Variants in FAM193B observed in about 807,000 individuals in gnomAD.
FAM193B encodes the protein family with sequence similarity 193 member B.
A neutral mutation model predicts 70.7 loss-of-function variants in FAM193B; 27 were observed. That is an observed-to-expected ratio of 0.38 (90% confidence interval 0.28 to 0.53). The LOEUF is 0.53. FAM193B is among the 20% of genes least tolerant of loss of function. FAM193B has a pLI of 0.81. For synonymous variants in FAM193B, 448 were observed against 436.0 expected, an observed-to-expected ratio of 1.03 and a Z score of -0.34; for missense variants, 1,022 against 1,072.5, an observed-to-expected ratio of 0.95 and a Z score of 0.66.
chr5:177,524,111 A>G (rs974437584), intron 6 of FAM193B, 74 bp downstream of exon 6: 1 of 1,610,284 alleles, frequency 6.2e-7, no homozygotes, highest in African/African-American at 1.3e-5. Context: ...CGCTGTCTAC[A>G]CACAAAGGCT....
At chr5:177,550,470 T>A (rs1254433297) in intron 1 of FAM193B, among the ~76,000 whole-genome samples, 1 of 152,246 alleles carries the variant, frequency 6.6e-6, no homozygotes, top group East Asian at 1.9e-4. Context: ...TACTGACTAA[T>A]CATCTGCTCC....
Position 177,554,399 on chromosome 5 carries a change from G to A in FAM193B, c.60C>T (p.Ala20=). ...GCGCCTGGGGCTTCTGCGGCCCCGC[G>A]GCCCGAGCCCGCTCGCGCCTGCCCG... is the stretch of plus-strand genomic sequence containing the variant. The part of the protein sequence containing the change: ...GGAGRRERAR[A]AGPQKPQAPE... The change falls in exon 1 of 9, where the codon GCC becomes GCT. Residue 20 remains alanine, a synonymous_variant. Transcript: ENST00000514747. 1.9e-5 allele frequency: 22 copies of A among 1,157,440 alleles called. No individual in the cohort carries two copies. Among genetic ancestry groups the A allele is most frequent in the Non-Finnish European group, 2.3e-5 (22 of 941,072 alleles). 71.7% of individuals were successfully genotyped at this position (1,157,440 alleles called of 1,614,324 possible). A position where few individuals can be genotyped will look rare whatever the true frequency, so the allele number is the denominator to read the frequency against.
intron 1 of FAM193B, among the ~76,000 whole-genome samples, chr5:177,542,823 C>T (rs555801503): frequency 5.2e-4 from 79 of 152,346 alleles, no homozygotes; most frequent in African/African-American, 1.8e-3. Context: ...TTTCCTGTAT[C>T]TTCCATCCCT....
Position 177,537,951 on chromosome 5 carries a change from G to A in FAM193B, c.610C>T (p.Leu204Phe). Residue 204 changes from leucine to phenylalanine, a missense_variant, in exon 3 of 9, where the codon CTC (leucine) becomes TTC (phenylalanine). Coordinates refer to ENST00000514747, the MANE Select transcript of FAM193B (RefSeq NM_001190946.3). The part of the protein sequence containing the change: ...DPSSFLSAHK[L>F]SGLWNSPHSS... Reference sequence around the variant, plus strand: ...TGTGGGGAATTCCAGAGGCCCGAGAGCTTATGTGCCGACAGGAACGAGCTA... The same window carrying A: ...TGTGGGGAATTCCAGAGGCCCGAGAACTTATGTGCCGACAGGAACGAGCTA... 1 of 1,576,560 alleles carries A rather than the reference G, an allele frequency of 6.3e-7. No individual in the cohort carries two copies. Among genetic ancestry groups the A allele is most frequent in the Non-Finnish European group, 8.6e-7 (1 of 1,161,062 alleles).
intron 1 of FAM193B, chr5:177,553,116 G>A (rs1766517316): frequency 2.1e-6 from 2 of 947,714 alleles, no homozygotes; most frequent in Non-Finnish European, 2.5e-6. Context: ...CGCAACTGGG[G>A]AGGTCAGGGG....
intron 1 of FAM193B, chr5:177,553,559 T>G (rs1347880570): frequency 8.8e-7 from 1 of 1,136,410 alleles, no homozygotes; most frequent in African/African-American, 1.7e-5. Context: ...CTGGAAGCTT[T>G]GGGGAATCCT....
chr5:177,522,445 ATGG>A (rs1404611098), intron 7 of FAM193B, among the ~76,000 whole-genome samples: 1 of 152,176 alleles, frequency 6.6e-6, no homozygotes, highest in Admixed American at 6.5e-5. Flanking sequence ...TTATATAAAA[ATGG>A]TGTAGTATTT....
chr5:177,537,890 C>G lies in FAM193B; in HGVS notation c.671G>C (p.Ser224Thr), dbSNP rs1289502540. 1 of 1,608,248 alleles carries G rather than the reference C, an allele frequency of 6.2e-7. No homozygotes were observed. Among genetic ancestry groups the G allele is most frequent in the South Asian group, 1.1e-5 (1 of 89,568 alleles). ...SGAMPGSSLG[S>T]PPTIPGEAFP... is the part of the protein sequence containing the mutation. Reference sequence around the variant, plus strand: ...AGACTCACCGGGGATGGTAGGAGGACTCCCAAGAGAGCTGCCTGGCATGGC... The same window carrying G: ...AGACTCACCGGGGATGGTAGGAGGAGTCCCAAGAGAGCTGCCTGGCATGGC... Residue 224 changes from serine (S) to threonine (T), a missense_variant, in exon 3 of 9, where the codon AGT (serine) becomes ACT (threonine). Coordinates refer to ENST00000514747, the MANE Select transcript of FAM193B (RefSeq NM_001190946.3).
In FAM193B at chr5:177,524,231, G is replaced by A. The variant is rs1208747847; in HGVS notation, c.2250C>T (p.Arg750=). The A allele has an allele frequency of 1.9e-6, 3 of 1,548,176 alleles. No individual in the cohort carries two copies. In the Admixed American group the frequency reaches 5.8e-5, roughly 30 times the overall value. Reference sequence around the variant, plus strand: ...CCTGCTTGTTGCGGCTCCGGCGGCTGCGGCCCTTGCCCTGGGGCAAGCTCT... The same window carrying A: ...CCTGCTTGTTGCGGCTCCGGCGGCTACGGCCCTTGCCCTGGGGCAAGCTCT... The part of the protein sequence containing the change: ...RPQSLPQGKG[R]SRRSRNKQEK... The change falls in exon 6 of 9, where the codon CGC becomes CGT. Residue 750 remains arginine (R), a synonymous_variant. Transcript: ENST00000514747.
intron 1 of FAM193B, chr5:177,553,673 T>A (rs1420889063): frequency 7.8e-7 from 1 of 1,286,296 alleles, no homozygotes; most frequent in East Asian, 5.6e-5. Flanking sequence ...TCTGCTGGGT[T>A]TCCACCTCAG....
chr5:177,522,083 G>C lies in FAM193B; in HGVS notation c.2373-12C>G. 2 of 1,610,208 alleles carry C rather than the reference G, an allele frequency of 1.2e-6. No individual in the cohort carries two copies. The highest frequency in any genetic ancestry group is 1.1e-5 in the South Asian group (1 of 90,934). On this transcript the variant is annotated splice_polypyrimidine_tract_variant and intron_variant, in intron 7 of 8. Coordinates refer to ENST00000514747, the MANE Select transcript of FAM193B (RefSeq NM_001190946.3). ...AATCCAAACAGAACCTGTTGGGTTTGGGGGACACATGAGAAGCACAATCAG... is the reference window on the plus strand; with the variant it reads ...AATCCAAACAGAACCTGTTGGGTTTCGGGGACACATGAGAAGCACAATCAG...
Position 177,538,203 on chromosome 5 carries a change from TC to T in FAM193B, c.454-97del. 7.8e-7 allele frequency: 1 copy of T among 1,281,882 alleles called. No individual in the cohort carries two copies. The highest frequency in any genetic ancestry group is 1.1e-6 in the Non-Finnish European group (1 of 945,906). 79.4% of individuals were successfully genotyped at this position (1,281,882 alleles called of 1,614,324 possible). On this transcript the variant is annotated intron_variant, in intron 2 of 8. Coordinates refer to ENST00000514747, the MANE Select transcript of FAM193B (RefSeq NM_001190946.3). The surrounding 1 kb of genome is among the most constrained non-coding windows in gnomAD (Gnocchi z 4.1). ...CTTTTCCTGAGGGAGCTCCTTCTCCTCCAGACCATGTGCCATAGCAAAAACA... is the reference window on the plus strand; with the variant it reads ...CTTTTCCTGAGGGAGCTCCTTCTCCTCAGACCATGTGCCATAGCAAAAACA...
intron 5 of FAM193B, among the ~76,000 whole-genome samples, chr5:177,528,248 A>C (rs1762921891): frequency 6.6e-6 from 1 of 152,198 alleles, no homozygotes; most frequent in Non-Finnish European, 1.5e-5. Context: ...AGGAGGATGG[A>C]TTTGGCAACA....
chr5:177,520,279 C>G (rs2127440757), intron 8 of FAM193B, 98 bp from the exon 9 acceptor site: 1 of 152,384 alleles, frequency 6.6e-6, no homozygotes, highest in Middle Eastern at 3.4e-3. Context: ...GTAGCAGAAA[C>G]AGCTGGCTGC....
At position 177,538,238 on chromosome 5, in the gene FAM193B, A is replaced by C; in HGVS notation, c.454-131T>G. The stretch of plus-strand genomic sequence containing the variant: ...GTGCCATAGCAAAAACACAATTAAT[A>C]CAACTCCAGCTATAAGAACAAATGA... On this transcript the variant is annotated intron_variant, in intron 2 of 8. Coordinates refer to ENST00000514747, the MANE Select transcript of FAM193B (RefSeq NM_001190946.3). This position sits in a 1 kb window ranked among gnomAD's most constrained non-coding sequence, Gnocchi z 4.1. 1.1e-6 allele frequency: 1 copy of C among 909,180 alleles called. No homozygotes were observed. The highest frequency in any genetic ancestry group is 1.6e-6 in the Non-Finnish European group (1 of 616,570). 56.3% of individuals were successfully genotyped at this position (909,180 alleles called of 1,614,324 possible).
intron 7 of FAM193B, 137 bp downstream of exon 7, chr5:177,523,820 G>T: frequency 2.2e-6 from 2 of 897,760 alleles, no homozygotes; most frequent in Non-Finnish European, 3.5e-6. Flanking sequence ...GAGAGGGCCT[G>T]GGGGGGCGGT....
In FAM193B at chr5:177,524,574, T is replaced by C; in HGVS notation, c.1907A>G (p.Lys636Arg). ...GGCCTGACTGCCCTGCCTCTTGCCC[T>C]TCTGTGGCTTCCCACCTGAGGACAC... The part of the protein sequence containing the change: ...EPVSSGGKPQ[K>R]GKRQGSQAKK... Residue 636 changes from lysine (K) to arginine (R), a missense_variant, in exon 6 of 9, where the codon AAG becomes AGG. Transcript: ENST00000514747. The C allele has an allele frequency of 6.2e-7, 1 of 1,610,160 alleles. No individual in the cohort carries two copies. The highest frequency in any genetic ancestry group is 8.5e-7 in the Non-Finnish European group (1 of 1,178,208).
At chr5:177,520,293 T>C (rs1016309167) in intron 8 of FAM193B, 112 bp from the exon 9 acceptor site, 3 of 152,218 alleles carry the variant, frequency 2.0e-5, no homozygotes, top group African/African-American at 7.2e-5. Context: ...TGGCTGCTAT[T>C]TTTGTTCCCT....
At chr5:177,539,599 G>A (rs1473591681) in intron 1 of FAM193B, among the ~76,000 whole-genome samples, 2 of 152,206 alleles carry the variant, frequency 1.3e-5, no homozygotes, top group Non-Finnish European at 2.9e-5. Flanking sequence ...CAGTTTAGGA[G>A]AATGTGTGGG....
Sources: gnomAD v4.1 joint callset for allele counts (sites outside exome capture counted in the v4.1 genomes callset) on GRCh38, gnomAD v4.1.1 for gene constraint, Gnocchi (gnomAD v3.1) non-coding constraint, MANE v1.5 for transcripts, NCBI Gene and HGNC (gene_info 2026-07-23, HGNC 2026-07-21) for gene names.